RPS8: variants seen among roughly 807,000 people sequenced by gnomAD.
RPS8 encodes the protein small ribosomal subunit protein eS8.
For synonymous variants in RPS8, 100 were observed against 100.7 expected (o/e 0.99, Z 0.04); for missense variants, 141 against 269.7 (o/e 0.52, Z 3.34).
chr1:44,776,948 T>A lies in RPS8; in HGVS notation c.211+174T>A, dbSNP rs989496030. 1.3e-5 allele frequency: 7 copies of A among 534,332 alleles called. No homozygotes were observed. In the African/African-American group the frequency reaches 1.4e-4, roughly 11 times the overall value. 33.1% of individuals were successfully genotyped at this position (534,332 alleles called of 1,614,324 possible). On this transcript the variant is annotated intron_variant, in intron 3 of 5. Transcript: ENST00000396651. ...TCCAGCCTGGGCAACAGAGCGAGACTCTCAGTAAAAAAAAAGATTCAAGTG... is the reference window on the plus strand; with the variant it reads ...TCCAGCCTGGGCAACAGAGCGAGACACTCAGTAAAAAAAAAGATTCAAGTG...
intron 3 of RPS8, 194 bp downstream of exon 3, chr1:44,776,968 C>T: frequency 1.9e-6 from 1 of 517,990 alleles, no homozygotes; most frequent in Non-Finnish European, 3.4e-6. Flanking sequence ...AAAAAAGATT[C>T]AAGTGCTTTT....
rs990748145 is a variant in RPS8, at chr1:44,775,617, A to C, written c.4+17A>C. 1.9e-6 allele frequency: 3 copies of C among 1,614,072 alleles called. No homozygotes were observed. Among genetic ancestry groups the C allele is most frequent in the African/African-American group, 2.7e-5 (2 of 75,022 alleles). ...GAGCGATGGGTGAGTGTCGCTCTGC[A>C]TTGAGGCGGGTGAAGGGAGGTTGAG... On this transcript the variant is annotated intron_variant, in intron 1 of 5. Transcript: ENST00000396651.
At position 44,778,096 on chromosome 1, in the gene RPS8, C is replaced by T; in HGVS notation, c.484C>T (p.Leu162=). The change falls in exon 5 of 6, where the codon CTG becomes TTG. Residue 162 remains leucine (L), a synonymous_variant. Coordinates refer to ENST00000396651, the MANE Select transcript of RPS8 (RefSeq NM_001012.2). ...RKKNAKISSL[L]EEQFQQGKLL... Reference sequence around the variant, plus strand: ...AAAGAATGCCAAAATCAGCAGTCTCCTGGAGGAGCAGTTCCAGCAGGGCAA... The same window carrying T: ...AAAGAATGCCAAAATCAGCAGTCTCTTGGAGGAGCAGTTCCAGCAGGGCAA... The T allele has an allele frequency of 6.2e-7, 1 of 1,601,846 alleles. No homozygotes were observed. The highest frequency in any genetic ancestry group is 8.5e-7 in the Non-Finnish European group (1 of 1,173,732).
chr1:44,776,467 G>T (rs761104089), intron 2 of RPS8: 3 of 761,456 alleles, frequency 3.9e-6, no homozygotes, highest in Non-Finnish European at 7.2e-6. Flanking sequence ...CAGCATTTGG[G>T]GTCAGGCTTT....
chr1:44,775,898 C>T (rs745620117), intron 1 of RPS8, 136 bp from the exon 2 acceptor site: 1 of 878,502 alleles, frequency 1.1e-6, no homozygotes, highest in South Asian at 1.3e-5. Context: ...GCTGCATACT[C>T]CCGAGTGCGC....
intron 1 of RPS8, 165 bp downstream of exon 1, chr1:44,775,765 G>C (rs1041978583): frequency 5.6e-5 from 55 of 985,848 alleles, no homozygotes; most frequent in Non-Finnish European, 4.9e-5. Context: ...GTCTCTGGGG[G>C]CTGCGAAGGC....
At chr1:44,776,196 C>T (rs891241246) in intron 2 of RPS8, 56 bp downstream of exon 2, 114 of 1,276,444 alleles carry the variant, frequency 8.9e-5, no homozygotes, top group African/African-American at 1.4e-4. Context: ...CGCTCTCCAG[C>T]GTGCTCGGGT....
chr1:44,777,361 G>A (rs550308314), intron 3 of RPS8: 50 of 457,358 alleles, frequency 1.1e-4, no homozygotes, highest in Non-Finnish European at 1.8e-4. Flanking sequence ...GTGAGTCACC[G>A]TGCCCGACCT....
Position 44,776,422 on chromosome 1 carries a change from G to A in RPS8, c.112-253G>A. On this transcript the variant is annotated intron_variant, in intron 2 of 5. Transcript: ENST00000396651. ...GTGGCGCCTCGCGTCATAGTCAGAA[G>A]CCTAGTCTTGTTTTTTTTACAGAGG... 5.3e-6 allele frequency: 4 copies of A among 750,734 alleles called. No individual in the cohort carries two copies. In the South Asian group the frequency reaches 5.5e-5, roughly 10 times the overall value. The allele number at this position is 750,734 out of a possible 1,614,324, so 46.5% of individuals were successfully genotyped here. A position where few individuals can be genotyped will look rare whatever the true frequency, so the allele number is the denominator to read the frequency against.
rs1242008066 is a variant in RPS8, at chr1:44,778,056, A to C, written c.444A>C (p.Lys148Asn). The C allele has an allele frequency of 6.2e-7, 1 of 1,612,832 alleles. No individual in the cohort carries two copies. The change falls in exon 5 of 6, where the codon AAA becomes AAC. Residue 148 changes from lysine (K) to asparagine (N), a missense_variant. Coordinates refer to ENST00000396651, the MANE Select transcript of RPS8 (RefSeq NM_001012.2). The stretch of plus-strand genomic sequence containing the variant: ...AACGATCTAAAAAAATTCAGAAGAA[A>C]TATGATGAAAGGAAAAAGAATGCCA... ...NKKRSKKIQK[K>N]YDERKKNAKI...
At chr1:44,777,081 A>C in intron 3 of RPS8, 1 of 262,228 alleles carries the variant, frequency 3.8e-6, no homozygotes, top group Non-Finnish European at 7.3e-6. Flanking sequence ...TCCTGCTCCA[A>C]TCTCTTTTTT....
At chr1:44,777,344 T>TA (rs1424222369) in intron 3 of RPS8, 1 of 410,300 alleles carries the variant, frequency 2.4e-6, no homozygotes, top group Non-Finnish European at 4.5e-6. Flanking sequence ...GTGCTGGGGT[T>TA]ACGGGCGTGA....
chr1:44,776,799 G>A, intron 3 of RPS8, 25 bp downstream of exon 3: 3 of 1,534,844 alleles, frequency 2.0e-6, no homozygotes, highest in Non-Finnish European at 2.7e-6. Context: ...TTGGGAGTGG[G>A]TGGGAAAACG....
rs1319356370 is a variant in RPS8, at chr1:44,778,592, G to A, written c.534G>A (p.Arg178=). Residue 178 remains arginine (R), a synonymous_variant, in exon 6 of 6, where the codon AGG becomes AGA. Transcript: ENST00000396651. ...CTCTTGCAGCGTGCATCGCTTCAAG[G>A]CCGGGACAGTGTGGCCGAGCAGATG... The part of the protein sequence containing the change: ...QGKLLACIAS[R]PGQCGRADGY... 1.2e-6 allele frequency: 2 copies of A among 1,613,976 alleles called. No homozygotes were observed. Among genetic ancestry groups the A allele is most frequent in the Non-Finnish European group, 1.7e-6 (2 of 1,179,890 alleles).
intron 3 of RPS8, chr1:44,777,282 G>A: frequency 3.9e-6 from 1 of 258,692 alleles, no homozygotes; most frequent in Non-Finnish European, 7.5e-6. Flanking sequence ...TGTTGGCCAG[G>A]CTGGTCTCAA....
Position 44,778,577 on chromosome 1 carries a change from G to A in RPS8, c.519G>A (p.Ala173=), listed in dbSNP as rs776766982. The A allele has an allele frequency of 2.0e-5, 32 of 1,612,720 alleles. No individual in the cohort carries two copies. The highest frequency in any genetic ancestry group is 1.3e-5 in the African/African-American group (1 of 74,900). The change falls in exon 6 of 6, where the codon GCG becomes GCA. Residue 173 remains alanine (A), a splice_region_variant and synonymous_variant. Coordinates refer to ENST00000396651, the MANE Select transcript of RPS8 (RefSeq NM_001012.2). ...TAAGGATCACCTACTCTCTTGCAGCGTGCATCGCTTCAAGGCCGGGACAGT... is the reference window on the plus strand; with the variant it reads ...TAAGGATCACCTACTCTCTTGCAGCATGCATCGCTTCAAGGCCGGGACAGT... The part of the protein sequence containing the change: ...EEQFQQGKLL[A]CIASRPGQCG...
chr1:44,775,958 G>A, intron 1 of RPS8, 76 bp from the exon 2 acceptor site: 1 of 1,387,960 alleles, frequency 7.2e-7, no homozygotes, highest in Non-Finnish European at 1.0e-6. Flanking sequence ...GCCCGGCGCG[G>A]GGGTCTCCGG....
chr1:44,776,412 A>G, intron 2 of RPS8: 1 of 738,712 alleles, frequency 1.4e-6, no homozygotes, highest in Non-Finnish European at 2.5e-6. Context: ...GCCTCGCGTC[A>G]TAGTCAGAAG....
chr1:44,778,138 G>A lies in RPS8; in HGVS notation c.517+9G>A, dbSNP rs1650925539. ...GCAGGGCAAGCTTCTTGGTGAGAAG[G>A]CTGTTGTGTTGGAGGTGGGGAGTCG... On this transcript the variant is annotated intron_variant, in intron 5 of 5. Coordinates refer to ENST00000396651, the MANE Select transcript of RPS8 (RefSeq NM_001012.2). 6.3e-7 allele frequency: 1 copy of A among 1,590,924 alleles called. No individual in the cohort carries two copies.
Sources: gnomAD v4.1 joint callset for allele counts on GRCh38, gnomAD v4.1.1 for gene constraint, MANE v1.5 for transcripts, NCBI Gene and HGNC (gene_info 2026-07-23, HGNC 2026-07-21) for gene names.